TMC2: variants seen among roughly 807,000 people sequenced by gnomAD.
TMC2 encodes transmembrane channel-like protein 2.
Under a neutral mutation model 105.9 loss-of-function variants are expected in TMC2, and 102 were observed. The observed-to-expected ratio is 0.96, with a 90% confidence interval of 0.82 to 1.14. TMC2 has a LOEUF of 1.14. TMC2 is among the 50% of genes most tolerant of loss of function. The pLI is 0.00. For missense variants in TMC2, 1,093 were observed against 1,134.3 expected (o/e 0.96, Z 0.52); for synonymous variants, 402 against 422.8 (o/e 0.95, Z 0.60).
intron 4 of TMC2, among the ~76,000 whole-genome samples, chr20:2,570,282 A>C (rs767740): frequency 0.7 from 106,812 of 151,992 alleles, 38,015 homozygotes; most frequent in African/African-American, 0.81. Context: ...AATTGATAAA[A>C]GACTTCAGCA....
chr20:2,571,408 A>C (rs960420779), intron 4 of TMC2, among the ~76,000 whole-genome samples: 2 of 152,238 alleles, frequency 1.3e-5, no homozygotes, highest in Non-Finnish European at 2.9e-5. Flanking sequence ...AATTCTCATC[A>C]TCACTAATTA....
At chr20:2,548,153 C>T (rs2085935542) in intron 2 of TMC2, among the ~76,000 whole-genome samples, 1 of 152,182 alleles carries the variant, frequency 6.6e-6, no homozygotes, top group Admixed American at 6.5e-5. Context: ...TAGCAGAGCT[C>T]CTGAATGTAC....
rs1194780617 is a variant in TMC2, at chr20:2,558,652, G to A, written c.279G>A (p.Arg93=). The change falls in exon 3 of 20, where the codon AGG becomes AGA. Residue 93 remains arginine, a synonymous_variant. Transcript: ENST00000358864. This position sits in a 1 kb window ranked among gnomAD's most constrained non-coding sequence, Gnocchi z 4.6. ...AGCAGGAGCGGGGCGAGGCAGAGAG[G>A]ACCTGCGAGGGCAGGAGAAAGCGCG... ...LGEQERGEAE[R]TCEGRRKRDE... 3 of 1,582,106 alleles carry A rather than the reference G, an allele frequency of 1.9e-6. No homozygotes were observed. Among genetic ancestry groups the A allele is most frequent in the Non-Finnish European group, 2.6e-6 (3 of 1,164,000 alleles).
intron 2 of TMC2, among the ~76,000 whole-genome samples, chr20:2,557,466 A>G (rs1179703866): frequency 1.3e-5 from 2 of 152,076 alleles, no homozygotes; most frequent in African/African-American, 4.8e-5. Flanking sequence ...TACATTACTC[A>G]TCTGTTCTTG....
chr20:2,638,266 G>A (rs368610693), intron 19 of TMC2, among the ~76,000 whole-genome samples: 8 of 151,902 alleles, frequency 5.3e-5, no homozygotes, highest in Admixed American at 2.0e-4. Context: ...GTGTGAACCC[G>A]GGAGGCGGAG....
rs370370850 is a variant in TMC2, at chr20:2,613,191, C to A, written c.1744-3C>A. On this transcript the variant is annotated splice_region_variant and splice_polypyrimidine_tract_variant and intron_variant, in intron 13 of 19. Transcript: ENST00000358864. ...CACCCCCTCTTCCTGTGTTCCTCTGCAGGAATTCATGAGGCTGACGGTGTC... is the reference window on the plus strand; with the variant it reads ...CACCCCCTCTTCCTGTGTTCCTCTGAAGGAATTCATGAGGCTGACGGTGTC... The A allele has an allele frequency of 6.2e-7, 1 of 1,611,742 alleles. No homozygotes were observed. Among genetic ancestry groups the A allele is most frequent in the Non-Finnish European group, 8.5e-7 (1 of 1,178,220 alleles).
At position 2,575,710 on chromosome 20, in the gene TMC2, C is replaced by T. The variant is rs993450594; in HGVS notation, c.646-3436C>T. Among the ~76,000 whole-genome samples, 7 of 152,006 alleles carry T rather than the reference C, an allele frequency of 4.6e-5. No individual in the cohort carries two copies. In the East Asian group the frequency reaches 1.4e-3, roughly 29 times the overall value. Reference sequence around the variant, plus strand: ...CCCCTTAGGAAAAGGATTGCCTCCCCCCACCCCCATCCCCCATATTTACTT... The same window carrying T: ...CCCCTTAGGAAAAGGATTGCCTCCCTCCACCCCCATCCCCCATATTTACTT... On this transcript the variant is annotated intron_variant, in intron 5 of 19. Coordinates refer to ENST00000358864, the MANE Select transcript of TMC2 (RefSeq NM_080751.3).
chr20:2,615,725 C>T (rs1464581966), intron 14 of TMC2, among the ~76,000 whole-genome samples: 1 of 152,148 alleles, frequency 6.6e-6, no homozygotes, highest in Non-Finnish European at 1.5e-5. Flanking sequence ...TCTTTTGACT[C>T]CTCATTTAAT....
chr20:2,564,244 A>G (rs1371090341), intron 4 of TMC2, among the ~76,000 whole-genome samples: 1 of 140,046 alleles, frequency 7.1e-6, no homozygotes, highest in Non-Finnish European at 1.5e-5. Context: ...TCCGCCTCCC[A>G]GGTTCAAGCG....
Position 2,594,936 on chromosome 20 carries a change from T to C in TMC2, c.1045T>C (p.Phe349Leu). The C allele has an allele frequency of 1.9e-6, 3 of 1,614,138 alleles. No homozygotes were observed. Among genetic ancestry groups the C allele is most frequent in the Non-Finnish European group, 2.5e-6 (3 of 1,180,010 alleles). Residue 349 changes from phenylalanine (F) to leucine (L), a missense_variant, in exon 9 of 20, where the codon TTC (phenylalanine) becomes CTC (leucine). Physicochemically the swap from Phe to Leu is conservative, Grantham distance 22 (BLOSUM62 0). Coordinates refer to ENST00000358864, the MANE Select transcript of TMC2 (RefSeq NM_080751.3). ...TTACTTTATGGTGGGGGTCAGCGTG[T>C]TCGGCTACAGCCTGATTATTGTCAT... ...MAYFMVGVSV[F>L]GYSLIIVIRS...
At chr20:2,600,092 G>C (rs2086339865) in intron 10 of TMC2, among the ~76,000 whole-genome samples, 1 of 152,216 alleles carries the variant, frequency 6.6e-6, no homozygotes, top group African/African-American at 2.4e-5. Context: ...AGCCAGGGTA[G>C]GGGTGACTGG....
At chr20:2,597,322 A>G (rs753325374) in intron 10 of TMC2, 24 bp downstream of exon 10, 19 of 1,608,582 alleles carry the variant, frequency 1.2e-5, no homozygotes, top group Non-Finnish European at 1.6e-5. Context: ...GGCAGTTCCC[A>G]CTTCCGGAGA....
chr20:2,556,591 T>G (rs1454074873), intron 2 of TMC2, among the ~76,000 whole-genome samples: 4 of 152,004 alleles, frequency 2.6e-5, no homozygotes, highest in African/African-American at 4.8e-5. Context: ...GGCAAGATAG[T>G]GATACTCCAT....
At chr20:2,602,438 C>T in intron 11 of TMC2, 137 bp downstream of exon 11, 3 of 628,598 alleles carry the variant, frequency 4.8e-6, no homozygotes, top group Non-Finnish European at 7.5e-6. Context: ...CCCTTCCAGT[C>T]AAATAGCATG....
intron 7 of TMC2, among the ~76,000 whole-genome samples, chr20:2,581,990 G>C (rs1360398205): frequency 6.6e-6 from 1 of 152,050 alleles, no homozygotes; most frequent in African/African-American, 2.4e-5. Context: ...GAGAGAGAGA[G>C]ATGCTTTGCT....
chr20:2,601,246 G>A (rs575612365), intron 10 of TMC2, among the ~76,000 whole-genome samples: 43 of 152,288 alleles, frequency 2.8e-4, no homozygotes, highest in South Asian at 2.1e-3. Context: ...ATGTTTTATC[G>A]AAACAAAGGC....
At chr20:2,613,520 C>CTT in intron 14 of TMC2, 198 bp downstream of exon 14, 2 of 683,906 alleles carry the variant, frequency 2.9e-6, no homozygotes, top group South Asian at 1.7e-5. Flanking sequence ...TGCTTTTTCC[C>CTT]AGTGTAATGA....
chr20:2,564,896 C>A (rs1486340058), intron 4 of TMC2, among the ~76,000 whole-genome samples: 1 of 152,238 alleles, frequency 6.6e-6, no homozygotes, highest in East Asian at 1.9e-4. Context: ...GGCTCCTTAT[C>A]CTGGACTCAG....
intron 5 of TMC2, among the ~76,000 whole-genome samples, chr20:2,576,480 T>C (rs1044666242): frequency 1.4e-4 from 21 of 152,160 alleles, no homozygotes; most frequent in Admixed American, 3.9e-4. Context: ...AGGCTGTGCC[T>C]CCAGGGACCT....
Sources: gnomAD v4.1 joint callset for allele counts (sites outside exome capture counted in the v4.1 genomes callset) on GRCh38, gnomAD v4.1.1 for gene constraint, Gnocchi (gnomAD v3.1) non-coding constraint, MANE v1.5 for transcripts, NCBI Gene and HGNC (gene_info 2026-07-23, HGNC 2026-07-21) for gene names.